CDH13: variants seen among roughly 807,000 people sequenced by gnomAD.
CDH13 encodes cadherin 13, also known as cadherin-13.
A neutral mutation model predicts 63.8 loss-of-function variants in CDH13; 24 were observed. The ratio of observed to expected loss-of-function variants is 0.38; its 90% confidence interval spans 0.27 to 0.53. The LOEUF is 0.53. Among genes scored for constraint, CDH13 ranks in the 20% least tolerant of loss-of-function variants. The pLI is 0.85. For missense variants in CDH13, 1,049 were observed against 903.1 expected (o/e 1.16, Z -2.07); for synonymous variants, 503 against 355.3 (o/e 1.42, Z -4.67).
intron 7 of CDH13, among the ~76,000 whole-genome samples, chr16:83,512,478 G>A (rs2074595233): frequency 1.3e-5 from 2 of 150,936 alleles, no homozygotes; most frequent in Admixed American, 6.6e-5. Context: ...AGACCAGCCT[G>A]GCCAATATGA....
At chr16:83,121,963 C>A (rs1044603449) in intron 3 of CDH13, among the ~76,000 whole-genome samples, 2 of 7,934 alleles carry the variant, frequency 2.5e-4, no homozygotes, top group African/African-American at 5.9e-4. Flanking sequence ...TTAAAACTGT[C>A]ACACACACAC....
chr16:82,693,549 C>A (rs1046736650), intron 1 of CDH13, among the ~76,000 whole-genome samples: 1 of 152,146 alleles, frequency 6.6e-6, no homozygotes, highest in Non-Finnish European at 1.5e-5. Flanking sequence ...GCATAAAGGA[C>A]CCCCATTTTC....
chr16:83,748,080 A>G, intron 10 of CDH13, 28 bp from the exon 11 acceptor site: 1 of 1,613,356 alleles, frequency 6.2e-7, no homozygotes, highest in Non-Finnish European at 8.5e-7. Context: ...TTGAATGCAG[A>G]GTCTGACATT....
At chr16:83,135,702 A>C (rs2036251232) in intron 4 of CDH13, among the ~76,000 whole-genome samples, 1 of 152,222 alleles carries the variant, frequency 6.6e-6, no homozygotes, top group South Asian at 2.1e-4. Flanking sequence ...AGAAGTCATT[A>C]TATGAAAAAG....
chr16:82,896,985 G>T (rs2041292773), intron 2 of CDH13, among the ~76,000 whole-genome samples: 2 of 146,632 alleles, frequency 1.4e-5, no homozygotes, highest in South Asian at 4.4e-4. Flanking sequence ...GTTTCATCAT[G>T]TTAGCCAGGA....
intron 7 of CDH13, among the ~76,000 whole-genome samples, chr16:83,522,254 C>T (rs1226333992): frequency 6.6e-6 from 1 of 152,178 alleles, no homozygotes; most frequent in East Asian, 1.9e-4. Context: ...TGCTTCGGGT[C>T]CATTATAATG....
intron 1 of CDH13, among the ~76,000 whole-genome samples, chr16:82,832,647 C>A (rs1199291019): frequency 6.6e-6 from 1 of 151,958 alleles, no homozygotes; most frequent in South Asian, 2.1e-4. Flanking sequence ...ACTATTATCA[C>A]CCCAAAATGA....
At chr16:83,308,255 G>A (rs2089923883) in intron 5 of CDH13, among the ~76,000 whole-genome samples, 2 of 151,882 alleles carry the variant, frequency 1.3e-5, no homozygotes, top group Non-Finnish European at 2.9e-5. Context: ...CATATATTTT[G>A]TGCTTTGCTC....
intron 6 of CDH13, among the ~76,000 whole-genome samples, chr16:83,431,562 T>C (rs910645752): frequency 1.8e-4 from 27 of 152,074 alleles, no homozygotes; most frequent in African/African-American, 6.3e-4. Context: ...TGGGTCACAG[T>C]TCTGCAGGCT....
In CDH13 at chr16:83,339,230, A is replaced by G. The variant is rs118002232; in HGVS notation, c.637-5632A>G. 7.2e-3 allele frequency among the ~76,000 whole-genome samples: 1,099 copies of G among 152,286 alleles called. 7 individuals carry two copies. Among genetic ancestry groups the G allele is most frequent in the Middle Eastern group, 0.024 (7 of 294 alleles). ...CATTTGAGGAAGAGAATGACTCATG[A>G]GTTTCTCCTTCCTTGATCCCTGAGA... On this transcript the variant is annotated intron_variant, in intron 5 of 13. Transcript: ENST00000567109.
At chr16:82,825,528 A>G (rs942128702) in intron 1 of CDH13, 5 of 149,928 alleles carry the variant, frequency 3.3e-5, no homozygotes, top group African/African-American at 1.2e-4. Flanking sequence ...CTTAGATCTA[A>G]ACAATATTAA....
At chr16:83,410,481 G>C (rs2092109668) in intron 6 of CDH13, among the ~76,000 whole-genome samples, 1 of 152,120 alleles carries the variant, frequency 6.6e-6, no homozygotes, top group Admixed American at 6.5e-5. Context: ...TCTAATTTCA[G>C]TGTTTAGCAA....
chr16:82,757,210 T>G (rs763331128), intron 1 of CDH13, among the ~76,000 whole-genome samples: 3 of 152,218 alleles, frequency 2.0e-5, no homozygotes, highest in Non-Finnish European at 2.9e-5. Flanking sequence ...GGGACCACTT[T>G]TCACCACCTT....
intron 10 of CDH13, among the ~76,000 whole-genome samples, chr16:83,696,068 G>T (rs1329153268): frequency 6.6e-6 from 1 of 151,628 alleles, no homozygotes; most frequent in Admixed American, 6.6e-5. Context: ...TTTTCTATTT[G>T]TTTGTAGAGA....
chr16:83,556,489 A>G (rs2075604779), intron 7 of CDH13, among the ~76,000 whole-genome samples: 1 of 152,162 alleles, frequency 6.6e-6, no homozygotes, highest in Non-Finnish European at 1.5e-5. Flanking sequence ...AAGTAAAGCC[A>G]AAGTTGTTGT....
intron 6 of CDH13, among the ~76,000 whole-genome samples, chr16:83,356,671 G>T (rs1488016186): frequency 1.3e-5 from 2 of 152,048 alleles, no homozygotes; most frequent in African/African-American, 2.4e-5. Context: ...AATAATTTAT[G>T]TATAGAATCA....
intron 2 of CDH13, among the ~76,000 whole-genome samples, chr16:82,936,125 A>C (rs2042659780): frequency 6.6e-6 from 1 of 152,168 alleles, no homozygotes; most frequent in South Asian, 2.1e-4. Context: ...TGGCAGAGAA[A>C]GGAAGACGGA....
chr16:83,502,034 A>C (rs1291506495), intron 7 of CDH13, among the ~76,000 whole-genome samples: 1 of 152,124 alleles, frequency 6.6e-6, no homozygotes, highest in African/African-American at 2.4e-5. Context: ...CACCTCACCT[A>C]CCTGAGCCTA....
chr16:83,498,568 C>T (rs1369612666), intron 7 of CDH13, among the ~76,000 whole-genome samples: 1 of 152,130 alleles, frequency 6.6e-6, no homozygotes, highest in Non-Finnish European at 1.5e-5. Context: ...CTTTATATGG[C>T]ATTTGACTTT....
Sources: gnomAD v4.1 joint callset for allele counts (sites outside exome capture counted in the v4.1 genomes callset) on GRCh38, gnomAD v4.1.1 for gene constraint, MANE v1.5 for transcripts, NCBI Gene and HGNC (gene_info 2026-07-23, HGNC 2026-07-21) for gene names.